SPOCK1: variants seen among roughly 807,000 people sequenced by gnomAD.
SPOCK1 encodes testican-1.
A neutral mutation model predicts 55.3 loss-of-function variants in SPOCK1; 23 were observed. That is an observed-to-expected ratio of 0.42 (90% confidence interval 0.30 to 0.59). The LOEUF is 0.59. Among genes scored for constraint, SPOCK1 ranks in the 20% least tolerant of loss-of-function variants. The pLI is 0.22. For missense variants in SPOCK1, 499 were observed against 552.5 expected (o/e 0.90, Z 0.97); for synonymous variants, 226 against 221.0 (o/e 1.02, Z -0.20).
intron 3 of SPOCK1, among the ~76,000 whole-genome samples, chr5:137,170,412 G>A (rs1053425223): frequency 2.0e-5 from 3 of 152,152 alleles, no homozygotes; most frequent in Admixed American, 1.3e-4. Flanking sequence ...GTACTGCTAT[G>A]GACTGAATTC....
At chr5:137,002,253 G>A (rs1171395736) in intron 6 of SPOCK1, among the ~76,000 whole-genome samples, 1 of 152,100 alleles carries the variant, frequency 6.6e-6, no homozygotes, top group African/African-American at 2.4e-5. Flanking sequence ...GACTATTCTA[G>A]GTAAGCTGAT....
At chr5:137,182,729 C>T (rs1754993159) in intron 3 of SPOCK1, among the ~76,000 whole-genome samples, 1 of 152,178 alleles carries the variant, frequency 6.6e-6, no homozygotes, top group Non-Finnish European at 1.5e-5. Flanking sequence ...TGTTGGCCTG[C>T]TGCAGGTGCT....
At chr5:137,209,633 T>A (rs886194374) in intron 3 of SPOCK1, among the ~76,000 whole-genome samples, 18 of 152,178 alleles carry the variant, frequency 1.2e-4, no homozygotes, top group African/African-American at 4.1e-4. Context: ...TCTGCCTCCA[T>A]TATGGCCCTC....
At chr5:137,340,291 T>C (rs781391254) in intron 2 of SPOCK1, among the ~76,000 whole-genome samples, 9 of 152,184 alleles carry the variant, frequency 5.9e-5, no homozygotes, top group Non-Finnish European at 1.2e-4. Flanking sequence ...TGAACTTTTC[T>C]ACTGAGCCCT....
chr5:137,413,493 A>G (rs1376499363), intron 2 of SPOCK1, among the ~76,000 whole-genome samples: 1 of 151,268 alleles, frequency 6.6e-6, no homozygotes, highest in Non-Finnish European at 1.5e-5. Flanking sequence ...TGGGATTTCT[A>G]TTCACTTACT....
At chr5:137,423,314 T>C (rs1311480318) in intron 2 of SPOCK1, among the ~76,000 whole-genome samples, 2 of 152,200 alleles carry the variant, frequency 1.3e-5, no homozygotes, top group Non-Finnish European at 2.9e-5. Context: ...TTCAAAGCTG[T>C]CAGACAGGGA....
chr5:137,445,407 G>C (rs950153758), intron 2 of SPOCK1, among the ~76,000 whole-genome samples: 3 of 152,154 alleles, frequency 2.0e-5, no homozygotes, highest in Admixed American at 2.0e-4. Context: ...AGTACAGCCA[G>C]ATTGAGAAGA....
At chr5:137,443,757 G>A (rs796713297) in intron 2 of SPOCK1, among the ~76,000 whole-genome samples, 45 of 152,086 alleles carry the variant, frequency 3.0e-4, no homozygotes, top group African/African-American at 8.5e-4. Context: ...ATCTTACCCC[G>A]TTGTATTACC....
At chr5:137,279,114 G>A (rs1757125141) in intron 2 of SPOCK1, among the ~76,000 whole-genome samples, 1 of 152,126 alleles carries the variant, frequency 6.6e-6, no homozygotes, top group Admixed American at 6.5e-5. Context: ...AAGCACTGGG[G>A]AGCCCCTGGA....
At chr5:137,186,215 A>G (rs1561465290) in intron 3 of SPOCK1, among the ~76,000 whole-genome samples, 1 of 152,162 alleles carries the variant, frequency 6.6e-6, no homozygotes, top group Non-Finnish European at 1.5e-5. Context: ...ACCTTCTTGA[A>G]GGAGTTGGTG....
At chr5:136,981,649 G>A (rs756405428) in intron 9 of SPOCK1, among the ~76,000 whole-genome samples, 4 of 152,168 alleles carry the variant, frequency 2.6e-5, no homozygotes, top group Admixed American at 6.5e-5. Flanking sequence ...TGTTGTGGCC[G>A]GTAAGTTTGA....
chr5:137,192,169 T>C (rs1361604182), intron 3 of SPOCK1, among the ~76,000 whole-genome samples: 1 of 115,810 alleles, frequency 8.6e-6, no homozygotes, highest in Non-Finnish European at 1.7e-5. Flanking sequence ...ACCCGGGAGG[T>C]GGAGGTTGAG....
At chr5:137,145,400 C>T (rs1161612787) in intron 3 of SPOCK1, among the ~76,000 whole-genome samples, 2 of 152,112 alleles carry the variant, frequency 1.3e-5, no homozygotes, top group East Asian at 3.9e-4. Context: ...ATTTTAAAAT[C>T]CTGAATCAAG....
At chr5:137,304,308 A>T (rs1757662950) in intron 2 of SPOCK1, among the ~76,000 whole-genome samples, 1 of 152,016 alleles carries the variant, frequency 6.6e-6, no homozygotes, top group South Asian at 2.1e-4. Context: ...TTCCCACAGC[A>T]CCTGACCGAG....
chr5:137,021,779 A>G (rs1367304773), intron 6 of SPOCK1, among the ~76,000 whole-genome samples: 1 of 152,114 alleles, frequency 6.6e-6, no homozygotes, highest in Non-Finnish European at 1.5e-5. Context: ...TGGGAAGAAG[A>G]TGACAATATT....
intron 2 of SPOCK1, among the ~76,000 whole-genome samples, chr5:137,370,265 GA>G (rs746749704): frequency 1.6e-4 from 25 of 152,260 alleles, no homozygotes; most frequent in Non-Finnish European, 2.5e-4. Flanking sequence ...AAACACAAGA[GA>G]TGTGATTACA....
chr5:137,055,703 T>C (rs1752288218), intron 6 of SPOCK1, among the ~76,000 whole-genome samples: 1 of 152,198 alleles, frequency 6.6e-6, no homozygotes, highest in Admixed American at 6.5e-5. Context: ...TACCACAGGA[T>C]GCTACACCTC....
intron 3 of SPOCK1, among the ~76,000 whole-genome samples, chr5:137,263,836 A>G (rs934364291): frequency 6.6e-5 from 10 of 152,184 alleles, no homozygotes; most frequent in Admixed American, 2.0e-4. Flanking sequence ...GAAACATTAA[A>G]GATTCACTTA....
chr5:137,279,513 G>A (rs1757130655), intron 2 of SPOCK1, among the ~76,000 whole-genome samples: 1 of 152,182 alleles, frequency 6.6e-6, no homozygotes, highest in Non-Finnish European at 1.5e-5. Context: ...TCTGGCAGGT[G>A]CACGATCATG....
Sources: gnomAD v4.1 joint callset for allele counts (sites outside exome capture counted in the v4.1 genomes callset) on GRCh38, gnomAD v4.1.1 for gene constraint, MANE v1.5 for transcripts, NCBI Gene and HGNC (gene_info 2026-07-23, HGNC 2026-07-21) for gene names.